ITPRID1: variants seen among roughly 807,000 people sequenced by gnomAD.
ITPRID1 encodes ITPR interacting domain containing 1, also known as protein ITPRID1.
Under a neutral mutation model 95.4 loss-of-function variants are expected in ITPRID1, and 96 were observed. The observed-to-expected ratio is 1.01, with a 90% CI of 0.85 to 1.19. The LOEUF is 1.19. ITPRID1 is among the 50% of genes most tolerant of loss of function. The pLI is 0.00. For synonymous variants in ITPRID1, 510 were observed against 453.6 expected (o/e 1.12, Z -1.58); for missense variants, 1,339 against 1,252.9 (o/e 1.07, Z -1.04).
chr7:31,639,759 A>AGCTCTTG (rs1789852664), intron 10 of ITPRID1, among the ~76,000 whole-genome samples: 1 of 151,662 alleles, frequency 6.6e-6, no homozygotes, highest in Non-Finnish European at 1.5e-5. Context: ...GCTCGTCTTG[A>AGCTCTTG]ACTCCTGACC....
chr7:31,529,940 C>A, intron 1 of ITPRID1: 1 of 736,950 alleles, frequency 1.4e-6, no homozygotes, highest in South Asian at 1.7e-5. Flanking sequence ...ATGGCGTGTT[C>A]TGAAACTTCT....
At chr7:31,536,096 C>T (rs141495200) in intron 1 of ITPRID1, among the ~76,000 whole-genome samples, 1 of 152,222 alleles carries the variant, frequency 6.6e-6, no homozygotes, top group Non-Finnish European at 1.5e-5. Context: ...CCTTCTGGGG[C>T]TTCAAAAATA....
chr7:31,532,010 G>A (rs1267769582), intron 1 of ITPRID1, among the ~76,000 whole-genome samples: 2 of 151,940 alleles, frequency 1.3e-5, no homozygotes, highest in African/African-American at 4.8e-5. Context: ...TGGATGTCAG[G>A]GCAGTAACTA....
At chr7:31,568,677 A>G (rs947138848) in intron 5 of ITPRID1, among the ~76,000 whole-genome samples, 1 of 152,160 alleles carries the variant, frequency 6.6e-6, no homozygotes, top group Non-Finnish European at 1.5e-5. Context: ...CTGATAACCA[A>G]TATTTATTTC....
At chr7:31,521,005 A>C (rs1158619345) in intron 1 of ITPRID1, among the ~76,000 whole-genome samples, 4 of 150,884 alleles carry the variant, frequency 2.7e-5, no homozygotes, top group African/African-American at 7.3e-5. Context: ...AAATTTGTCC[A>C]TTTTATTGTT....
Position 31,643,960 on chromosome 7 carries a change from G to T in ITPRID1, c.2583+7G>T, listed in dbSNP as rs1790248682. On this transcript the variant is annotated splice_region_variant and intron_variant, in intron 12 of 14. Transcript: ENST00000615280. ...AGTGAGGGAGCTATGTTCCGTAAGT[G>T]TTCACCCTGGCAAAGATGGAAAGGC... The T allele has an allele frequency of 6.3e-7, 1 of 1,594,848 alleles. No individual in the cohort carries two copies.
At chr7:31,635,232 A>AC (rs1789370482) in intron 10 of ITPRID1, among the ~76,000 whole-genome samples, 1 of 152,204 alleles carries the variant, frequency 6.6e-6, no homozygotes, top group Admixed American at 6.5e-5. Context: ...TAGAATTTGG[A>AC]AATCCTACAT....
chr7:31,578,857 G>A (rs1435899515), intron 9 of ITPRID1, among the ~76,000 whole-genome samples: 4 of 152,242 alleles, frequency 2.6e-5, no homozygotes, highest in Middle Eastern at 3.4e-3. Context: ...GCGTGAGCTC[G>A]TTATGTTAGA....
At chr7:31,527,624 T>C (rs867922841) in intron 1 of ITPRID1, among the ~76,000 whole-genome samples, 9 of 152,306 alleles carry the variant, frequency 5.9e-5, no homozygotes, top group South Asian at 2.1e-4. Flanking sequence ...TATCCCTGTT[T>C]AGAATCGCAC....
At chr7:31,632,217 G>C (rs1789067720) in intron 10 of ITPRID1, among the ~76,000 whole-genome samples, 1 of 152,104 alleles carries the variant, frequency 6.6e-6, no homozygotes, top group South Asian at 2.1e-4. Context: ...GGGTGGCTGA[G>C]GCAGGTGGAT....
chr7:31,569,505 G>T (rs1175514935), intron 5 of ITPRID1, among the ~76,000 whole-genome samples: 5 of 152,162 alleles, frequency 3.3e-5, no homozygotes. Context: ...CTTCCTCCAT[G>T]AAACCTTTGC....
At position 31,653,117 on chromosome 7, in the gene ITPRID1, A is replaced by T. The variant is rs1325096624; in HGVS notation, c.*288A>T. On this transcript the variant is annotated 3_prime_UTR_variant, in exon 15 of 15. Coordinates refer to ENST00000615280, the MANE Select transcript of ITPRID1 (RefSeq NM_001257967.3). ...CTTACAGTGTAGTGGGGGAGATAGA[A>T]TTGCAAACAAAAAGTATCTGAGACA... 2 of 528,988 alleles carry T rather than the reference A, an allele frequency of 3.8e-6. No individual in the cohort carries two copies. The highest frequency in any genetic ancestry group is 3.8e-5 in the African/African-American group (2 of 52,970). 32.8% of individuals were successfully genotyped at this position (528,988 alleles called of 1,614,324 possible).
intron 1 of ITPRID1, among the ~76,000 whole-genome samples, chr7:31,537,620 C>T (rs1783801971): frequency 6.6e-6 from 1 of 151,904 alleles, no homozygotes; most frequent in Admixed American, 6.6e-5. Context: ...GAGACTGTTA[C>T]CTGCTTTTTA....
At chr7:31,637,430 T>C (rs1360090356) in intron 10 of ITPRID1, among the ~76,000 whole-genome samples, 1 of 152,188 alleles carries the variant, frequency 6.6e-6, no homozygotes, top group East Asian at 1.9e-4. Context: ...ATCGCCAGTC[T>C]AACTGGTGTG....
chr7:31,648,582 T>C (rs1480393819), intron 12 of ITPRID1, among the ~76,000 whole-genome samples: 2 of 152,194 alleles, frequency 1.3e-5, no homozygotes, highest in African/African-American at 4.8e-5. Context: ...CCCAGTCTTA[T>C]ACCTTTCAAT....
chr7:31,640,566 A>G (rs1789929603), intron 10 of ITPRID1, among the ~76,000 whole-genome samples: 1 of 152,120 alleles, frequency 6.6e-6, no homozygotes, highest in African/African-American at 2.4e-5. Context: ...CTGGGTAACT[A>G]TAGGGTTCAG....
At chr7:31,629,007 T>G (rs1379803899) in intron 10 of ITPRID1, among the ~76,000 whole-genome samples, 1 of 151,986 alleles carries the variant, frequency 6.6e-6, no homozygotes, top group African/African-American at 2.4e-5. Context: ...AGTAGAAAAA[T>G]TAAAGTCTCC....
chr7:31,638,270 A>C lies in ITPRID1; in HGVS notation c.1229-3906A>C, dbSNP rs533019502. On this transcript the variant is annotated intron_variant, in intron 10 of 14. Coordinates refer to ENST00000615280, the MANE Select transcript of ITPRID1 (RefSeq NM_001257967.3). Reference sequence around the variant, plus strand: ...GAACTAATTATAACAAAGGCAGTGAAGTCTTAAATATTACACTAGTAAATT... The same window carrying C: ...GAACTAATTATAACAAAGGCAGTGACGTCTTAAATATTACACTAGTAAATT... Among the ~76,000 whole-genome samples the C allele has an allele frequency of 2.0e-5, 3 of 152,362 alleles. No homozygotes were observed. The East Asian group carries it at 5.8e-4, about 29-fold the overall frequency.
intron 2 of ITPRID1, chr7:31,552,020 A>G: frequency 2.7e-6 from 1 of 369,102 alleles, no homozygotes; most frequent in South Asian, 2.0e-5. Context: ...GTTAAATTCT[A>G]GAGATACATA....
Sources: allele counts gnomAD v4.1 joint callset (sites outside exome capture counted in the v4.1 genomes callset), GRCh38; gene constraint gnomAD v4.1.1; transcripts MANE v1.5; gene names NCBI Gene and HGNC (gene_info 2026-07-23, HGNC 2026-07-21).